Variants in ARHGAP24 observed in about 807,000 individuals in gnomAD.
ARHGAP24 encodes rho GTPase-activating protein 24.
Under a neutral mutation model 76.4 loss-of-function variants are expected in ARHGAP24, and 50 were observed. The ratio of observed to expected loss-of-function variants is 0.65; its 90% CI spans 0.52 to 0.83. The LOEUF is 0.83. Ranked by LOEUF, ARHGAP24 falls within the 40% of genes least tolerant of loss-of-function variation. ARHGAP24 has a pLI of 0.00. For missense variants in ARHGAP24, 930 were observed against 914.2 expected, an observed-to-expected ratio of 1.02 and a Z score of -0.22; for synonymous variants, 345 against 323.3, an observed-to-expected ratio of 1.07 and a Z score of -0.72.
At chr4:85,706,844 G>A (rs987715420) in intron 2 of ARHGAP24, among the ~76,000 whole-genome samples, 5 of 152,136 alleles carry the variant, frequency 3.3e-5, no homozygotes, top group East Asian at 1.9e-4. Flanking sequence ...GATTATAGGC[G>A]TGAGCCACTG....
intron 3 of ARHGAP24, among the ~76,000 whole-genome samples, chr4:85,749,644 C>A (rs891226655): frequency 6.6e-6 from 1 of 152,034 alleles, no homozygotes; most frequent in African/African-American, 2.4e-5. Context: ...CAGTCTTGGC[C>A]CACTGCAACC....
At chr4:85,816,509 T>G (rs910639784) in intron 3 of ARHGAP24, among the ~76,000 whole-genome samples, 2 of 152,226 alleles carry the variant, frequency 1.3e-5, no homozygotes, top group Admixed American at 1.3e-4. Context: ...CAACATTATA[T>G]ATACAATAAA....
At chr4:85,544,085 A>G (rs1462876945) in intron 1 of ARHGAP24, among the ~76,000 whole-genome samples, 3 of 152,162 alleles carry the variant, frequency 2.0e-5, no homozygotes, top group Non-Finnish European at 4.4e-5. Flanking sequence ...TTTGCCTCTC[A>G]TCTAAATGAT....
In ARHGAP24 at chr4:85,817,041, T is replaced by C. The variant is rs150017733; in HGVS notation, c.268+95069T>C. 9.5e-3 allele frequency among the ~76,000 whole-genome samples: 1,445 copies of C among 152,316 alleles called. 27 individuals carry two copies. Among genetic ancestry groups the C allele is most frequent in the African/African-American group, 0.033 (1,354 of 41,580 alleles). ...TAGTGATGTTGAATATCTTTTCATA[T>C]ATCTGTTGGCCATTTGTATATCTTC... On this transcript the variant is annotated intron_variant, in intron 3 of 9. Coordinates refer to ENST00000395184, the MANE Select transcript of ARHGAP24 (RefSeq NM_001025616.3).
At chr4:85,759,711 G>T (rs187458710) in intron 3 of ARHGAP24, among the ~76,000 whole-genome samples, 2 of 152,050 alleles carry the variant, frequency 1.3e-5, no homozygotes, top group Non-Finnish European at 2.9e-5. Context: ...CTGTGTAAAA[G>T]GACAGTGGCA....
At chr4:85,958,325 C>T (rs1316911931) in intron 5 of ARHGAP24, among the ~76,000 whole-genome samples, 1 of 152,092 alleles carries the variant, frequency 6.6e-6, no homozygotes, top group East Asian at 1.9e-4. Flanking sequence ...TGCACAGGCC[C>T]TGGCATGTTA....
Position 85,926,349 on chromosome 4 carries a change from CTTTG to C in ARHGAP24, c.391+2583_391+2586del, listed in dbSNP as rs752410135. ...CAAAGAATAAATCTTCTCCTGCCCT[CTTTG>C]TTTAATAAGTATTATGAGACTGCAA... is the stretch of plus-strand genomic sequence containing the variant. On this transcript the variant is annotated intron_variant, in intron 4 of 9. Transcript: ENST00000395184. Among the ~76,000 whole-genome samples the C allele has an allele frequency of 3.7e-4, 57 of 152,276 alleles. No individual in the cohort carries two copies. The Middle Eastern group carries it at 0.01, about 27-fold the overall frequency.
At chr4:85,611,047 C>G (rs995873245) in intron 2 of ARHGAP24, among the ~76,000 whole-genome samples, 1 of 151,770 alleles carries the variant, frequency 6.6e-6, no homozygotes, top group Non-Finnish European at 1.5e-5. Flanking sequence ...TGAAAAAGAG[C>G]CTGATTTCAT....
chr4:85,877,309 A>G (rs1270980845), intron 3 of ARHGAP24, among the ~76,000 whole-genome samples: 1 of 152,184 alleles, frequency 6.6e-6, no homozygotes, highest in Non-Finnish European at 1.5e-5. Context: ...GAAACATTAC[A>G]TTGAAATACC....
At chr4:85,853,224 A>G (rs1471905844) in intron 3 of ARHGAP24, among the ~76,000 whole-genome samples, 1 of 152,150 alleles carries the variant, frequency 6.6e-6, no homozygotes, top group East Asian at 1.9e-4. Flanking sequence ...TGGCAGTTCA[A>G]TCTCAGACTG....
intron 3 of ARHGAP24, among the ~76,000 whole-genome samples, chr4:85,766,524 C>T (rs1726936289): frequency 6.6e-6 from 1 of 151,996 alleles, no homozygotes; most frequent in Non-Finnish European, 1.5e-5. Flanking sequence ...TCAGAATCTG[C>T]ATGTTTAAGC....
intron 1 of ARHGAP24, among the ~76,000 whole-genome samples, chr4:85,518,733 A>G (rs1416291467): frequency 6.6e-6 from 1 of 152,128 alleles, no homozygotes; most frequent in African/African-American, 2.4e-5. Context: ...TGCATCATCT[A>G]TATTTACCAC....
intron 2 of ARHGAP24, among the ~76,000 whole-genome samples, chr4:85,680,644 C>A (rs1723170901): frequency 6.6e-6 from 1 of 151,938 alleles, no homozygotes; most frequent in African/African-American, 2.4e-5. Flanking sequence ...ATTTAGAGGA[C>A]TCAAGTGACT....
intron 3 of ARHGAP24, among the ~76,000 whole-genome samples, chr4:85,774,470 C>A (rs1337958693): frequency 6.6e-6 from 1 of 152,120 alleles, no homozygotes; most frequent in African/African-American, 2.4e-5. Context: ...CTTAAAACCA[C>A]CTGGAAAGGA....
At chr4:85,753,805 G>A (rs1424458245) in intron 3 of ARHGAP24, among the ~76,000 whole-genome samples, 4 of 152,038 alleles carry the variant, frequency 2.6e-5, no homozygotes, top group Non-Finnish European at 5.9e-5. Flanking sequence ...TATTTTGGGG[G>A]TGCATGGGAT....
chr4:85,944,420 T>G (rs1215551900), intron 5 of ARHGAP24, among the ~76,000 whole-genome samples: 1 of 152,186 alleles, frequency 6.6e-6, no homozygotes, highest in Non-Finnish European at 1.5e-5. Flanking sequence ...GATGTGGTTG[T>G]TTGTTTCTTG....
At chr4:85,827,918 C>G (rs759877019) in intron 3 of ARHGAP24, 1 of 1,289,592 alleles carries the variant, frequency 7.8e-7, no homozygotes, top group African/African-American at 1.5e-5. Context: ...CTCTGTCTCC[C>G]AGCTTGCAAG....
chr4:85,658,651 G>A (rs147539648), intron 2 of ARHGAP24, among the ~76,000 whole-genome samples: 15 of 152,266 alleles, frequency 9.9e-5, no homozygotes, highest in African/African-American at 2.2e-4. Flanking sequence ...ATTTTACCAC[G>A]ACTGTCTTCA....
chr4:85,755,650 T>TTTTTTTA (rs1726462712), intron 3 of ARHGAP24, among the ~76,000 whole-genome samples: 1 of 144,768 alleles, frequency 6.9e-6, no homozygotes, highest in African/African-American at 2.5e-5. Flanking sequence ...TGTTTTGTTT[T>TTTTTTTA]GAGACGGAGT....
Sources: allele counts gnomAD v4.1 joint callset (sites outside exome capture counted in the v4.1 genomes callset), GRCh38; gene constraint gnomAD v4.1.1; transcripts MANE v1.5; gene names NCBI Gene and HGNC (gene_info 2026-07-23, HGNC 2026-07-21).